The following CSMD1 variants were observed in gnomAD, a reference collection of about 807,000 sequenced individuals.
The protein encoded by CSMD1 is CUB and sushi domain-containing protein 1.
Under a neutral mutation model 417.5 loss-of-function variants are expected in CSMD1, and 213 were observed. The observed-to-expected ratio is 0.51, with a 90% CI of 0.46 to 0.57. CSMD1 has a LOEUF of 0.57. CSMD1 is among the 20% of genes least tolerant of loss of function. CSMD1 has a pLI of 0.00. For missense variants in CSMD1, 6,923 were observed against 4,529.7 expected (o/e 1.53, Z -15.17); for synonymous variants, 2,862 against 1,736.8 (o/e 1.65, Z -16.11).
chr8:4,412,825 G>A (rs1041235691), intron 3 of CSMD1, among the ~76,000 whole-genome samples: 2 of 152,166 alleles, frequency 1.3e-5, no homozygotes, highest in African/African-American at 4.8e-5. Flanking sequence ...AGGCCTGTAT[G>A]TGAAACCAAA....
At chr8:4,685,742 T>C (rs558026946) in intron 1 of CSMD1, among the ~76,000 whole-genome samples, 205 of 152,308 alleles carry the variant, frequency 1.3e-3, no homozygotes, top group Non-Finnish European at 2.1e-3. Flanking sequence ...TTTTAAGAAA[T>C]TACGTTTCAA....
intron 3 of CSMD1, among the ~76,000 whole-genome samples, chr8:4,292,026 C>G (rs944996012): frequency 1.3e-5 from 2 of 151,978 alleles, no homozygotes; most frequent in Non-Finnish European, 2.9e-5. Flanking sequence ...CCATTATTAC[C>G]TAGTTACTTT....
At chr8:3,036,838 T>A (rs1487251727) in intron 50 of CSMD1, among the ~76,000 whole-genome samples, 2 of 152,172 alleles carry the variant, frequency 1.3e-5, no homozygotes, top group Non-Finnish European at 2.9e-5. Context: ...ATTATTTCAA[T>A]AGCTTTTTGG....
chr8:4,402,288 T>G (rs569829739), intron 3 of CSMD1, among the ~76,000 whole-genome samples: 1 of 151,916 alleles, frequency 6.6e-6, no homozygotes, highest in Non-Finnish European at 1.5e-5. Context: ...CCCCACGGTC[T>G]TTGCCCCTTC....
In CSMD1 at chr8:3,675,529, A is replaced by G. The variant is rs149039237; in HGVS notation, c.1009+32885T>C. On this transcript the variant is annotated intron_variant, in intron 7 of 69. Transcript: ENST00000635120. ...TGTTGAAGCCCCAATCTCCAATGAG[A>G]TGGTGTTTGGAAGTGATGCTTTCAG... is the stretch of plus-strand genomic sequence containing the variant. 4.9e-4 allele frequency among the ~76,000 whole-genome samples: 75 copies of G among 152,298 alleles called. 1 individual carries two copies. The East Asian group carries it at 0.014, about 28-fold the overall frequency.
chr8:3,728,113 T>C (rs1563316548), intron 6 of CSMD1, among the ~76,000 whole-genome samples: 1 of 152,118 alleles, frequency 6.6e-6, no homozygotes. Flanking sequence ...GCTCCCATAA[T>C]TCCCACGTGC....
intron 4 of CSMD1, among the ~76,000 whole-genome samples, chr8:4,029,280 C>G (rs181282942): frequency 6.6e-6 from 1 of 152,222 alleles, no homozygotes; most frequent in East Asian, 1.9e-4. Flanking sequence ...GATATAATAA[C>G]AAGTTGCATT....
intron 5 of CSMD1, among the ~76,000 whole-genome samples, chr8:3,804,796 CTAAT>C (rs1800638420): frequency 6.6e-6 from 1 of 152,136 alleles, no homozygotes; most frequent in Non-Finnish European, 1.5e-5. Context: ...GTTTGGTAAT[CTAAT>C]TATTCATATC....
rs1384100478 is a variant in CSMD1, at chr8:3,157,950, G to A, written c.5861C>T (p.Ser1954Phe). ...GYTLQGRSHI[S>F]CMPGTVRRWN... ...ACGGCGAACGGTCCCTGGCATACAG[G>A]AAATGTGGGAACGGCCCTGTTTAAA... The change falls in exon 39 of 70, where the codon TCC (serine) becomes TTC (phenylalanine). Residue 1954 changes from serine (S) to phenylalanine (F), a missense_variant. Transcript: ENST00000635120. 6.4e-7 allele frequency: 1 copy of A among 1,554,152 alleles called. No homozygotes were observed. The highest frequency in any genetic ancestry group is 1.2e-5 in the South Asian group (1 of 84,102).
At chr8:4,077,857 C>T (rs1384047149) in intron 3 of CSMD1, among the ~76,000 whole-genome samples, 1 of 152,106 alleles carries the variant, frequency 6.6e-6, no homozygotes, top group African/African-American at 2.4e-5. Flanking sequence ...AAATATGCCT[C>T]CTTCCTTTCT....
intron 25 of CSMD1, among the ~76,000 whole-genome samples, chr8:3,297,616 G>A (rs1303272020): frequency 6.6e-6 from 1 of 152,150 alleles, no homozygotes; most frequent in South Asian, 2.1e-4. Context: ...ACAAAAATCT[G>A]TGACACTTCA....
At chr8:3,338,703 C>T (rs1393366961) in intron 23 of CSMD1, among the ~76,000 whole-genome samples, 5 of 152,074 alleles carry the variant, frequency 3.3e-5, no homozygotes, top group Admixed American at 2.6e-4. Context: ...CTGTAACTTT[C>T]CAGAGAAAGG....
chr8:3,956,619 A>T (rs141718682), intron 5 of CSMD1, among the ~76,000 whole-genome samples: 335 of 152,320 alleles, frequency 2.2e-3, no homozygotes, highest in African/African-American at 7.7e-3. Flanking sequence ...TTCTGATAAC[A>T]AGACTAAAAT....
At chr8:3,339,994 T>C (rs1270094118) in intron 23 of CSMD1, among the ~76,000 whole-genome samples, 1 of 152,212 alleles carries the variant, frequency 6.6e-6, no homozygotes, top group Non-Finnish European at 1.5e-5. Context: ...GCTTAATAAA[T>C]GCCTATTCAG....
intron 1 of CSMD1, among the ~76,000 whole-genome samples, chr8:4,900,125 T>C (rs930758734): frequency 1.3e-5 from 2 of 152,164 alleles, no homozygotes; most frequent in African/African-American, 2.4e-5. Context: ...GCCTGGCTTT[T>C]GTGTCTTCTT....
intron 1 of CSMD1, among the ~76,000 whole-genome samples, chr8:4,762,473 G>A (rs578162467): frequency 2.6e-5 from 4 of 152,162 alleles, no homozygotes; most frequent in African/African-American, 9.6e-5. Flanking sequence ...AACATGCTGT[G>A]ATTTAAATTA....
intron 6 of CSMD1, among the ~76,000 whole-genome samples, chr8:3,724,957 A>T (rs1215710836): frequency 2.0e-5 from 3 of 152,218 alleles, no homozygotes; most frequent in African/African-American, 7.2e-5. Context: ...TATGTTGATG[A>T]CTATTTCAAC....
intron 5 of CSMD1, among the ~76,000 whole-genome samples, chr8:3,811,922 T>A (rs925374228): frequency 6.6e-6 from 1 of 152,184 alleles, no homozygotes; most frequent in Non-Finnish European, 1.5e-5. Flanking sequence ...ACAAAGCACA[T>A]ATAGATAAAA....
intron 6 of CSMD1, among the ~76,000 whole-genome samples, chr8:3,716,430 T>C (rs1801836026): frequency 6.6e-6 from 1 of 152,094 alleles, no homozygotes; most frequent in Non-Finnish European, 1.5e-5. Context: ...AAACAAGGGG[T>C]GGATTATTCA....
Sources: gnomAD v4.1 joint callset for allele counts (sites outside exome capture counted in the v4.1 genomes callset) on GRCh38, gnomAD v4.1.1 for gene constraint, MANE v1.5 for transcripts, NCBI Gene and HGNC (gene_info 2026-07-23, HGNC 2026-07-21) for gene names.